The following ADAMTSL1 variants were observed in gnomAD, a reference collection of about 807,000 sequenced individuals.
ADAMTSL1 encodes ADAMTS like 1, also known as ADAMTS-like protein 1.
A neutral mutation model predicts 201.8 loss-of-function variants in ADAMTSL1; 126 were observed. The observed-to-expected ratio is 0.62, with a 90% CI of 0.54 to 0.72. The LOEUF (loss-of-function observed/expected upper bound fraction) is 0.72, where lower values mean the gene tolerates loss of function less well. Among genes scored for constraint, ADAMTSL1 ranks in the 30% least tolerant of loss-of-function variants. The pLI, the probability that ADAMTSL1 is intolerant of heterozygous loss-of-function variation, is 0.00. For synonymous variants in ADAMTSL1, 1,121 were observed against 903.4 expected, an observed-to-expected ratio of 1.24 and a Z score of -4.32; for missense variants, 2,679 against 2,277.8, an observed-to-expected ratio of 1.18 and a Z score of -3.59.
chr9:18,887,181 A>G (rs765065953), intron 23 of ADAMTSL1, among the ~76,000 whole-genome samples: 6 of 152,228 alleles, frequency 3.9e-5, no homozygotes, highest in African/African-American at 1.4e-4. Flanking sequence ...TACCGATTCT[A>G]TGCTACAAAG....
intron 2 of ADAMTSL1, among the ~76,000 whole-genome samples, chr9:18,328,763 G>A (rs1393120973): frequency 5.9e-5 from 9 of 152,140 alleles, no homozygotes; most frequent in Non-Finnish European, 1.5e-5. Flanking sequence ...TTTTTAAAAG[G>A]CATCTGAGTA....
chr9:18,064,521 T>C (rs1822606363), intron 1 of ADAMTSL1, among the ~76,000 whole-genome samples: 1 of 152,192 alleles, frequency 6.6e-6, no homozygotes, highest in Non-Finnish European at 1.5e-5. Flanking sequence ...AACCACAGTT[T>C]CTATATTCAC....
At chr9:18,849,105 T>C (rs2131362071) in intron 23 of ADAMTSL1, among the ~76,000 whole-genome samples, 1 of 152,358 alleles carries the variant, frequency 6.6e-6, no homozygotes, top group East Asian at 1.9e-4. Context: ...CCTTATATTA[T>C]TGGACATATT....
At chr9:18,451,665 T>C (rs546426447) in intron 2 of ADAMTSL1, among the ~76,000 whole-genome samples, 2 of 152,374 alleles carry the variant, frequency 1.3e-5, no homozygotes, top group South Asian at 4.1e-4. Context: ...TCTGAACTCG[T>C]TGTTTTGTTG....
At chr9:18,202,850 A>G (rs1034844509) in intron 2 of ADAMTSL1, among the ~76,000 whole-genome samples, 2 of 152,052 alleles carry the variant, frequency 1.3e-5, no homozygotes, top group African/African-American at 4.8e-5. Context: ...GGAGAGATGG[A>G]TAAGAGAAAT....
At chr9:18,345,976 C>A (rs1345679216) in intron 2 of ADAMTSL1, among the ~76,000 whole-genome samples, 1 of 152,090 alleles carries the variant, frequency 6.6e-6, no homozygotes, top group Admixed American at 6.6e-5. Context: ...AGCAGTGGTC[C>A]TGGCCCTCTC....
rs55721513 is a variant in ADAMTSL1, at chr9:18,909,661, T to TCTGTCAGGCTGTCAGG, written c.*1114_*1129dup. ...TAACTAGTCACTGTGCCAGAGAGTATCTGTCAGGCTGTCAGGTTGTAGCAA... is the reference window on the plus strand; with the variant it reads ...TAACTAGTCACTGTGCCAGAGAGTATCTGTCAGGCTGTCAGGCTGTCAGGCTGTCAGGTTGTAGCAA... On this transcript the variant is annotated 3_prime_UTR_variant, in exon 29 of 29. Coordinates refer to ENST00000380548, the MANE Select transcript of ADAMTSL1 (RefSeq NM_001040272.6). 4 of 151,102 alleles carry TCTGTCAGGCTGTCAGG rather than the reference T, an allele frequency of 2.6e-5. No individual in the cohort carries two copies. Among genetic ancestry groups the TCTGTCAGGCTGTCAGG allele is most frequent in the South Asian group, 2.1e-4 (1 of 4,788 alleles). The allele number at this position is 151,102 out of a possible 1,614,324, so 9.4% of individuals were successfully genotyped here.
chr9:18,720,495 AC>A (rs1833270147), intron 14 of ADAMTSL1, among the ~76,000 whole-genome samples: 1 of 152,220 alleles, frequency 6.6e-6, no homozygotes, highest in Non-Finnish European at 1.5e-5. Flanking sequence ...AAATGTCTCC[AC>A]AAGGGGACCA....
intron 4 of ADAMTSL1, among the ~76,000 whole-genome samples, chr9:18,611,263 C>G (rs1250782418): frequency 1.3e-5 from 2 of 152,176 alleles, no homozygotes; most frequent in African/African-American, 4.8e-5. Context: ...ACTTCACAGT[C>G]TGAGAGACAG....
At chr9:18,849,579 T>G (rs1297838762) in intron 23 of ADAMTSL1, among the ~76,000 whole-genome samples, 1 of 151,854 alleles carries the variant, frequency 6.6e-6, no homozygotes, top group Non-Finnish European at 1.5e-5. Flanking sequence ...GCAAGGAAGG[T>G]GATGCCAAGG....
chr9:17,925,757 A>G (rs1049123150), intron 1 of ADAMTSL1, among the ~76,000 whole-genome samples: 27 of 147,582 alleles, frequency 1.8e-4, no homozygotes, highest in African/African-American at 6.2e-4. Context: ...CTAATGCTAG[A>G]TGACGAGTTA....
At chr9:18,508,956 G>T (rs369705394) in intron 2 of ADAMTSL1, among the ~76,000 whole-genome samples, 1 of 94,452 alleles carries the variant, frequency 1.1e-5, no homozygotes, top group African/African-American at 5.2e-5. Flanking sequence ...AGGCCGAGGC[G>T]GGTGGATCAT....
At chr9:17,958,942 T>C (rs1828036619) in intron 1 of ADAMTSL1, among the ~76,000 whole-genome samples, 3 of 152,140 alleles carry the variant, frequency 2.0e-5, no homozygotes, top group South Asian at 2.1e-4. Flanking sequence ...CCTGTAAGTA[T>C]TGAGTTGAGT....
intron 2 of ADAMTSL1, among the ~76,000 whole-genome samples, chr9:18,296,646 A>G (rs1329675105): frequency 6.6e-6 from 1 of 152,216 alleles, no homozygotes; most frequent in South Asian, 2.1e-4. Flanking sequence ...TTACATACAG[A>G]TATTTTTTAA....
At position 17,965,859 on chromosome 9, in the gene ADAMTSL1, A is replaced by ATTC. The variant is rs369466944; in HGVS notation, c.87+58939_87+58941dup. On this transcript the variant is annotated intron_variant, in intron 1 of 29. Transcript: ENST00000680146. ...ATATCCCAGTCCTCTGGGCGATGGG[A>ATTC]TTCTACATCCCAGAAGTAAAGCCAG... Among the ~76,000 whole-genome samples, 704 of 152,238 alleles carry ATTC rather than the reference A, an allele frequency of 4.6e-3. 4 individuals carry two copies. Among genetic ancestry groups the ATTC allele is most frequent in the African/African-American group, 0.016 (667 of 41,552 alleles).
At chr9:18,455,386 C>T (rs892372977) in intron 2 of ADAMTSL1, among the ~76,000 whole-genome samples, 2 of 152,170 alleles carry the variant, frequency 1.3e-5, no homozygotes, top group African/African-American at 4.8e-5. Flanking sequence ...ACCTTTCTCC[C>T]TTTGCTCATA....
intron 4 of ADAMTSL1, among the ~76,000 whole-genome samples, chr9:18,584,041 G>A (rs1391965766): frequency 2.0e-5 from 3 of 152,148 alleles, no homozygotes; most frequent in Non-Finnish European, 4.4e-5. Context: ...AGACTTTGGG[G>A]GACTGTTGAG....
At chr9:18,681,712 G>C (rs1830500479) in intron 11 of ADAMTSL1, 100 bp from the exon 12 acceptor site, 2 of 880,208 alleles carry the variant, frequency 2.3e-6, no homozygotes, top group Non-Finnish European at 3.0e-6. Flanking sequence ...GGGGGGGGCG[G>C]GGAAAAAGAA....
At chr9:18,905,963 G>A in intron 27 of ADAMTSL1, 72 bp downstream of exon 27, 1 of 1,337,724 alleles carries the variant, frequency 7.5e-7, no homozygotes, top group Non-Finnish European at 1.0e-6. Context: ...CTGAGTGAAT[G>A]TTTCTCCTCC....
Sources: allele counts gnomAD v4.1 joint callset (sites outside exome capture counted in the v4.1 genomes callset), GRCh38; gene constraint gnomAD v4.1.1; transcripts MANE v1.5; gene names NCBI Gene and HGNC (gene_info 2026-07-23, HGNC 2026-07-21).